The following TRPV2 variants were observed in gnomAD, a reference collection of about 807,000 sequenced individuals.
TRPV2 encodes OTRPC2.
In TRPV2, 58 loss-of-function variants were observed where a neutral mutation model predicts 91.0. The observed-to-expected ratio is 0.64, with a 90% CI of 0.52 to 0.79. TRPV2 has a LOEUF of 0.79. Among genes scored for constraint, TRPV2 ranks in the 30% least tolerant of loss-of-function variants. TRPV2 has a pLI of 0.00. For missense variants in TRPV2, 807 were observed against 969.6 expected (o/e 0.83, Z 2.23); for synonymous variants, 417 against 414.8 (o/e 1.01, Z -0.06).
chr17:16,429,512 G>A (rs2142996793), intron 10 of TRPV2, among the ~76,000 whole-genome samples: 1 of 152,320 alleles, frequency 6.6e-6, no homozygotes, highest in East Asian at 1.9e-4. Flanking sequence ...AAAAAGCACA[G>A]GACAATGTGA....
At chr17:16,436,760 A>G (rs575406343) in intron 14 of TRPV2, 29 bp from the exon 15 acceptor site, 1 of 1,537,904 alleles carries the variant, frequency 6.5e-7, no homozygotes, top group African/African-American at 1.4e-5. Context: ...CTCAAGGGTT[A>G]AGCTACAGTG....
chr17:16,427,555 C>A lies in TRPV2; in HGVS notation c.1350+8C>A, dbSNP rs1724257256. ...TACCTCCTCGTGGGCCAGGTGAGTGCCCCTCCCCTTCTCCTACCAAGAAGC... is the reference window on the plus strand; with the variant it reads ...TACCTCCTCGTGGGCCAGGTGAGTGACCCTCCCCTTCTCCTACCAAGAAGC... On this transcript the variant is annotated splice_region_variant and intron_variant, in intron 8 of 14. Transcript: ENST00000338560. 1 of 1,606,544 alleles carries A rather than the reference C, an allele frequency of 6.2e-7. No individual in the cohort carries two copies. Among genetic ancestry groups the A allele is most frequent in the South Asian group, 1.1e-5 (1 of 90,582 alleles).
At chr17:16,436,682 TC>T in intron 14 of TRPV2, 106 bp from the exon 15 acceptor site, 1 of 772,862 alleles carries the variant, frequency 1.3e-6, no homozygotes, top group Non-Finnish European at 2.3e-6. Context: ...GCTGAGGCTG[TC>T]CCCACGGCAT....
chr17:16,433,817 G>A (rs1172048803), intron 13 of TRPV2, 119 bp downstream of exon 13: 2 of 1,420,242 alleles, frequency 1.4e-6, no homozygotes, highest in East Asian at 2.3e-5. Context: ...CAGGCCCAAA[G>A]AGCACCAGGG....
chr17:16,422,130 C>T (rs116668219), intron 3 of TRPV2, among the ~76,000 whole-genome samples: 62 of 151,630 alleles, frequency 4.1e-4, no homozygotes, highest in African/African-American at 1.3e-3. Context: ...CGGTAAAACC[C>T]GTCTCTGCTG....
intron 12 of TRPV2, 51 bp from the exon 13 acceptor site, chr17:16,433,523 C>T: frequency 6.2e-7 from 1 of 1,600,112 alleles, no homozygotes; most frequent in Non-Finnish European, 8.5e-7. Context: ...TGTGCCTTTG[C>T]CCCCAGGCAG....
chr17:16,435,968 C>T lies in TRPV2; in HGVS notation c.2195-821C>T, dbSNP rs763793888. 1.3e-5 allele frequency among the ~76,000 whole-genome samples: 2 copies of T among 152,192 alleles called. No individual in the cohort carries two copies. Among genetic ancestry groups the T allele is most frequent in the Non-Finnish European group, 2.9e-5 (2 of 68,022 alleles). On this transcript the variant is annotated intron_variant, in intron 14 of 14. Coordinates refer to ENST00000338560, the MANE Select transcript of TRPV2 (RefSeq NM_016113.5). The surrounding 1 kb of genome is among the most constrained non-coding windows in gnomAD (Gnocchi z 4.2). ...GCCCCAAGCACTCCACACCCCACTGCCTGCTGGGGCCTCCAATGTGACATT... is the reference window on the plus strand; with the variant it reads ...GCCCCAAGCACTCCACACCCCACTGTCTGCTGGGGCCTCCAATGTGACATT...
In TRPV2 at chr17:16,433,659, C is replaced by T; in HGVS notation, c.2075C>T (p.Thr692Ile). The T allele has an allele frequency of 6.2e-7, 1 of 1,614,168 alleles. No individual in the cohort carries two copies. The highest frequency in any genetic ancestry group is 8.5e-7 in the Non-Finnish European group (1 of 1,180,028). ...QRAGVMLTVG[T>I]KPDGSPDERW... ...GCAGGTGTGATGCTGACCGTTGGCA[C>T]TAAGCCAGATGGCAGCCCCGATGAG... The change falls in exon 13 of 15, where the codon ACT becomes ATT. Residue 692 changes from threonine (T) to isoleucine (I), a missense_variant. Transcript: ENST00000338560.
intron 10 of TRPV2, 147 bp from the exon 11 acceptor site, chr17:16,431,637 T>A (rs899824464): frequency 1.4e-6 from 1 of 707,190 alleles, no homozygotes; most frequent in Admixed American, 2.3e-5. Context: ...CTCTGCTCGG[T>A]GTGGCTCCAC....
rs1338685543 is a variant in TRPV2 at position 16,432,063 on chromosome 17, G to A, written c.1752G>A (p.Glu584=). The A allele has an allele frequency of 6.2e-7, 1 of 1,613,812 alleles. No individual in the cohort carries two copies. The highest frequency in any genetic ancestry group is 1.3e-5 in the African/African-American group (1 of 74,924). The change falls in exon 12 of 15, where the codon GAG becomes GAA. Residue 584 remains glutamate (E), a synonymous_variant. Coordinates refer to ENST00000338560, the MANE Select transcript of TRPV2 (RefSeq NM_016113.5). ...AGCCCATGGAGGGACAGGAGGACGA[G>A]GGCAACGGGGCCCAGTACAGGGGTA... ...SVQPMEGQED[E]GNGAQYRGIL...
At position 16,429,953 on chromosome 17, in the gene TRPV2, C is replaced by T. The variant is rs191077871; in HGVS notation, c.1587+971C>T. 4.5e-3 allele frequency among the ~76,000 whole-genome samples: 682 copies of T among 151,944 alleles called. 4 individuals are homozygous for T. The highest frequency in any genetic ancestry group is 0.016 in the African/African-American group (657 of 41,422). Reference sequence around the variant, plus strand: ...CATCTCAGCTCACTGCAAACCCCTACTCCTGGGTTCAAGCGATTCTCCTGC... The same window carrying T: ...CATCTCAGCTCACTGCAAACCCCTATTCCTGGGTTCAAGCGATTCTCCTGC... On this transcript the variant is annotated intron_variant, in intron 10 of 14. Transcript: ENST00000338560.
rs1428080576 is a variant in TRPV2, at chr17:16,426,379, G to A, written c.1095+110G>A. 13 of 1,363,556 alleles carry A rather than the reference G, an allele frequency of 9.5e-6. No individual in the cohort carries two copies. The highest frequency in any genetic ancestry group is 1.2e-5 in the Non-Finnish European group (12 of 1,003,786). The allele number at this position is 1,363,556 out of a possible 1,614,324, so 84.5% of individuals were successfully genotyped here. ...ATATCTGCCCCATTCCTGTGCCAGT[G>A]GGGGTGTGGCTGCATGTCCCAGCAG... On this transcript the variant is annotated intron_variant, in intron 6 of 14. Coordinates refer to ENST00000338560, the MANE Select transcript of TRPV2 (RefSeq NM_016113.5). This position sits in a 1 kb window ranked among gnomAD's most constrained non-coding sequence, Gnocchi z 6.0.
Position 16,426,847 on chromosome 17 carries a change from T to C in TRPV2, c.1221T>C (p.Ala407=), listed in dbSNP as rs1316874422. 1.2e-6 allele frequency: 2 copies of C among 1,613,414 alleles called. No individual in the cohort carries two copies. Among genetic ancestry groups the C allele is most frequent in the Non-Finnish European group, 1.7e-6 (2 of 1,179,770 alleles). ...CNLIYMFIFT[A]VAYHQPTLKK... ...TGATCTACATGTTCATCTTCACCGC[T>C]GTTGCCTACCATCAGCCTACCCTGA... Residue 407 remains alanine, a synonymous_variant, in exon 7 of 15, where the codon GCT becomes GCC. Transcript: ENST00000338560. This position sits in a 1 kb window ranked among gnomAD's most constrained non-coding sequence, Gnocchi z 6.0.
rs1203806858 is a variant in TRPV2, at chr17:16,420,174, TC to T, written c.264del (p.Glu89ArgfsTer10). 4 of 1,614,042 alleles carry T rather than the reference TC, an allele frequency of 2.5e-6. No homozygotes were observed. The highest frequency in any genetic ancestry group is 3.4e-6 in the Non-Finnish European group (4 of 1,179,952). On this transcript the variant is annotated frameshift_variant, in exon 3 of 15. Transcript: ENST00000338560. LOFTEE classifies it high-confidence loss of function. ...CTCTTCAATGCGGTCTCCCGGGGTG[TC>T]CCCGAGGATCTGGCTGGACTTCCAG... Reference protein sequence around the residue: ...DRLFNAVSRGVPEDLAGLPEY... With the variant: ...DRLFNAVSRGXPEDLAGLPEY...
chr17:16,434,080 A>G (rs2093424899), intron 13 of TRPV2, among the ~76,000 whole-genome samples: 2 of 152,078 alleles, frequency 1.3e-5, no homozygotes, highest in African/African-American at 4.8e-5. Flanking sequence ...CTGATCTCTG[A>G]GCTACAACCC....
chr17:16,426,995 C>T lies in TRPV2; in HGVS notation c.1251+118C>T. The T allele has an allele frequency of 1.7e-6, 2 of 1,188,114 alleles. No individual in the cohort carries two copies. Among genetic ancestry groups the T allele is most frequent in the South Asian group, 2.9e-5 (2 of 68,256 alleles). 73.6% of individuals were successfully genotyped at this position (1,188,114 alleles called of 1,614,324 possible). On this transcript the variant is annotated intron_variant, in intron 7 of 14. Coordinates refer to ENST00000338560, the MANE Select transcript of TRPV2 (RefSeq NM_016113.5). This position sits in a 1 kb window ranked among gnomAD's most constrained non-coding sequence, Gnocchi z 6.0. ...GGGCTGCTGGAGTGACATTCCCAAG[C>T]TTATGGGAGCCAGCACTGCAGTACT...
intron 12 of TRPV2, 70 bp from the exon 13 acceptor site, chr17:16,433,504 C>T: frequency 6.3e-7 from 1 of 1,585,930 alleles, no homozygotes; most frequent in Non-Finnish European, 8.6e-7. Flanking sequence ...CCCTGCTCCG[C>T]TTGCCTTGTG....
At chr17:16,433,419 C>T (rs968772205) in intron 12 of TRPV2, 155 bp from the exon 13 acceptor site, 194 of 1,101,788 alleles carry the variant, frequency 1.8e-4, no homozygotes, top group Admixed American at 5.9e-4. Flanking sequence ...CACAGGTAAC[C>T]GGATGTTGGA....
Position 16,426,770 on chromosome 17 carries a change from G to A in TRPV2, c.1144G>A (p.Ala382Thr). The change falls in exon 7 of 15, where the codon GCG becomes ACG. Residue 382 changes from alanine to threonine, a missense_variant. Physicochemically the swap from Ala to Thr is moderately conservative, Grantham distance 58. Coordinates refer to ENST00000338560, the MANE Select transcript of TRPV2 (RefSeq NM_016113.5). The surrounding 1 kb of genome is among the most constrained non-coding windows in gnomAD (Gnocchi z 6.0). The stretch of plus-strand genomic sequence containing the variant: ...GGAGCCCCTGAACAAACTGCTGCAG[G>A]CGAAATGGGATCTGCTCATCCCCAA... Reference protein sequence around the residue: ...VLEPLNKLLQAKWDLLIPKFF... With the variant: ...VLEPLNKLLQTKWDLLIPKFF... 2 of 1,614,026 alleles carry A rather than the reference G, an allele frequency of 1.2e-6. No individual in the cohort carries two copies. Among genetic ancestry groups the A allele is most frequent in the Non-Finnish European group, 1.7e-6 (2 of 1,179,998 alleles).
Sources: gnomAD v4.1 joint callset for allele counts (sites outside exome capture counted in the v4.1 genomes callset) on GRCh38, gnomAD v4.1.1 for gene constraint, Gnocchi (gnomAD v3.1) non-coding constraint, MANE v1.5 for transcripts, NCBI Gene and HGNC (gene_info 2026-07-23, HGNC 2026-07-21) for gene names.